The following CUL4A variants were observed in gnomAD, a reference collection of about 807,000 sequenced individuals.
CUL4A encodes the protein cullin-4A.
A neutral mutation model predicts 95.5 loss-of-function variants in CUL4A; 16 were observed. The ratio of observed to expected loss-of-function variants is 0.17; its 90% CI spans 0.11 to 0.25. The LOEUF (loss-of-function observed/expected upper bound fraction) is 0.25, where lower values mean the gene tolerates loss of function less well. CUL4A is among the 10% of genes least tolerant of loss of function. The pLI is 1.00. For synonymous variants in CUL4A, 380 were observed against 353.1 expected (o/e 1.08, Z -0.85); for missense variants, 610 against 937.0 (o/e 0.65, Z 4.56).
Position 113,246,080 on chromosome 13 carries a change from C to T in CUL4A, c.1638+17C>T, listed in dbSNP as rs1219866760. On this transcript the variant is annotated intron_variant, in intron 15 of 19. Transcript: ENST00000375440. ...ACCCCAGAAGTAAGTGTGCAGAAAGCATGCTGTCCGCTCCCGCTGTCATGC... is the reference window on the plus strand; with the variant it reads ...ACCCCAGAAGTAAGTGTGCAGAAAGTATGCTGTCCGCTCCCGCTGTCATGC... The T allele has an allele frequency of 1.3e-6, 2 of 1,585,646 alleles. No homozygotes were observed. Among genetic ancestry groups the T allele is most frequent in the Admixed American group, 1.7e-5 (1 of 59,706 alleles).
At chr13:113,250,700 C>G (rs966354731) in intron 15 of CUL4A, among the ~76,000 whole-genome samples, 1 of 151,958 alleles carries the variant, frequency 6.6e-6, no homozygotes, top group Non-Finnish European at 1.5e-5. Context: ...TGGTACTTCT[C>G]AAGGCAAAAA....
intron 11 of CUL4A, chr13:113,244,165 T>C (rs1595405834): frequency 2.7e-6 from 1 of 373,244 alleles, no homozygotes; most frequent in Non-Finnish European, 4.8e-6. Context: ...AGAGATTGCA[T>C]TTAAAGATAA....
At chr13:113,228,366 C>T in intron 4 of CUL4A, among the ~76,000 whole-genome samples, 1 of 152,182 alleles carries the variant, frequency 6.6e-6, no homozygotes, top group East Asian at 1.9e-4. Context: ...TTTCCTGCAG[C>T]TGCACAACCA....
intron 15 of CUL4A, among the ~76,000 whole-genome samples, chr13:113,250,458 CAAAA>C (rs1566365857): frequency 6.6e-6 from 1 of 151,916 alleles, no homozygotes; most frequent in African/African-American, 2.4e-5. Context: ...GACCGTGTCT[CAAAA>C]AAAGAAAATA....
In CUL4A at chr13:113,263,584, G is replaced by T. The variant is rs527575602; in HGVS notation, c.*2G>T. On this transcript the variant is annotated 3_prime_UTR_variant, in exon 20 of 20. Transcript: ENST00000375440. ...AATCAGTACCACTACGTGGCCTGAC[G>T]CATCTGCAGACGGTTCCCCTTCATG... 1 of 1,568,384 alleles carries T rather than the reference G, an allele frequency of 6.4e-7. No homozygotes were observed. The highest frequency in any genetic ancestry group is 1.8e-5 in the Admixed American group (1 of 55,670).
chr13:113,208,574 C>T (rs1441776970), upstream of CUL4A: 7 of 1,605,570 alleles, frequency 4.4e-6, no homozygotes, highest in East Asian at 2.3e-5. Flanking sequence ...ACCACGCCGC[C>T]GCGCGCTCCC....
chr13:113,212,459 G>A (rs1296369314), intron 2 of CUL4A, among the ~76,000 whole-genome samples: 1 of 152,208 alleles, frequency 6.6e-6, no homozygotes, highest in Non-Finnish European at 1.5e-5. Flanking sequence ...TCTATGTAGA[G>A]TGAATTTTTG....
At chr13:113,210,796 AAAC>A in intron 2 of CUL4A, among the ~76,000 whole-genome samples, 1 of 83,170 alleles carries the variant, frequency 1.2e-5, no homozygotes, top group South Asian at 3.2e-4. Flanking sequence ...TGAATTAAAA[AAAC>A]TTTTTTTCTG....
chr13:113,225,414 CAA>C (rs985375955), intron 3 of CUL4A, among the ~76,000 whole-genome samples: 3 of 151,940 alleles, frequency 2.0e-5, no homozygotes. Flanking sequence ...TGGGAAATAA[CAA>C]AAAAATTATT....
At chr13:113,255,433 C>T (rs2042096089) in intron 18 of CUL4A, among the ~76,000 whole-genome samples, 1 of 152,140 alleles carries the variant, frequency 6.6e-6, no homozygotes, top group South Asian at 2.1e-4. Context: ...GTAATAGAAT[C>T]TGATATGGTT....
At chr13:113,211,424 G>A (rs2040440555) in intron 2 of CUL4A, among the ~76,000 whole-genome samples, 1 of 152,194 alleles carries the variant, frequency 6.6e-6, no homozygotes. Flanking sequence ...CACTCTTGTG[G>A]CCCAGGCTGG....
chr13:113,229,667 A>G (rs1364185849), intron 5 of CUL4A, 148 bp downstream of exon 5: 4 of 654,912 alleles, frequency 6.1e-6, no homozygotes, highest in Non-Finnish European at 1.1e-5. Context: ...TGAACGTAGG[A>G]GTCCAGGTGG....
intron 15 of CUL4A, among the ~76,000 whole-genome samples, chr13:113,252,732 A>G (rs555073681): frequency 1.2e-4 from 18 of 152,208 alleles, no homozygotes; most frequent in South Asian, 1.0e-3. Flanking sequence ...AGGGCTGGGC[A>G]TGGCCGGGCT....
intron 18 of CUL4A, among the ~76,000 whole-genome samples, chr13:113,255,778 G>A (rs1250241375): frequency 6.6e-6 from 1 of 152,226 alleles, no homozygotes; most frequent in African/African-American, 2.4e-5. Context: ...TTGTCTGGAT[G>A]CATCACAACT....
chr13:113,249,058 G>C (rs1466197586), intron 15 of CUL4A, among the ~76,000 whole-genome samples: 1 of 152,034 alleles, frequency 6.6e-6, no homozygotes, highest in Non-Finnish European at 1.5e-5. Context: ...CTCCTCCCCA[G>C]CCTGCTCTGC....
rs1339042687 is a variant in CUL4A, at chr13:113,255,083, G to A, written c.1989G>A (p.Lys663=). 2 of 1,614,004 alleles carry A rather than the reference G, an allele frequency of 1.2e-6. No individual in the cohort carries two copies. The highest frequency in any genetic ancestry group is 8.5e-7 in the Non-Finnish European group (1 of 1,179,930). The part of the protein sequence containing the change: ...KFIFNGEFKH[K]LFRIKINQIQ... ...TTTTTAATGGAGAGTTCAAGCACAA[G>A]TTGTTTAGAATAAAGATCAATCAAA... is the stretch of plus-strand genomic sequence containing the variant. The change falls in exon 18 of 20, where the codon AAG becomes AAA. Residue 663 remains lysine, a synonymous_variant. Transcript: ENST00000375440.
Position 113,243,027 on chromosome 13 carries a change from G to C in CUL4A, c.1095G>C (p.Leu365=). The part of the protein sequence containing the change: ...PEKDKDMVQD[L]LDFKDKVDHV... The stretch of plus-strand genomic sequence containing the variant: ...AAGACAAAGACATGGTCCAAGACCT[G>C]TTGGACTTCAAGGACAAGGTGGACC... Residue 365 remains leucine (L), a synonymous_variant, in exon 11 of 20, where the codon CTG becomes CTC. Coordinates refer to ENST00000375440, the MANE Select transcript of CUL4A (RefSeq NM_001008895.4). 1 of 1,614,132 alleles carries C rather than the reference G, an allele frequency of 6.2e-7. No individual in the cohort carries two copies. Among genetic ancestry groups the C allele is most frequent in the East Asian group, 2.2e-5 (1 of 44,888 alleles).
At position 113,266,420 on chromosome 13, in the gene CUL4A, C is replaced by T. The variant is rs1257849223; in HGVS notation, c.*2838C>T. On this transcript the variant is annotated 3_prime_UTR_variant, in exon 20 of 20. Transcript: ENST00000375440. ...GGTATTATAACATTACTAAGGAACACAGGCCCTGAATAAGTGAAAGTTCTG... is the reference window on the plus strand; with the variant it reads ...GGTATTATAACATTACTAAGGAACATAGGCCCTGAATAAGTGAAAGTTCTG... The T allele has an allele frequency of 6.6e-6, 1 of 152,228 alleles. No individual in the cohort carries two copies. Among genetic ancestry groups the T allele is most frequent in the Non-Finnish European group, 1.5e-5 (1 of 68,030 alleles). The allele number at this position is 152,228 out of a possible 1,614,324, so 9.4% of individuals were successfully genotyped here.
chr13:113,225,967 C>T (rs1250129685), intron 3 of CUL4A, among the ~76,000 whole-genome samples: 1 of 152,146 alleles, frequency 6.6e-6, no homozygotes, highest in Non-Finnish European at 1.5e-5. Context: ...TGCAAAGCCT[C>T]AAGAAAAAAT....
Sources: allele counts gnomAD v4.1 joint callset (sites outside exome capture counted in the v4.1 genomes callset), GRCh38; gene constraint gnomAD v4.1.1; transcripts MANE v1.5; gene names NCBI Gene and HGNC (gene_info 2026-07-23, HGNC 2026-07-21).